The following UHRF2 variants were observed in gnomAD, a reference collection of about 807,000 sequenced individuals.
The protein encoded by UHRF2 is E3 ubiquitin-protein ligase UHRF2.
Under a neutral mutation model 96.8 loss-of-function variants are expected in UHRF2, and 23 were observed. The observed-to-expected ratio is 0.24, with a 90% confidence interval of 0.17 to 0.34. The LOEUF is 0.34. UHRF2 is among the 10% of genes least tolerant of loss of function. The pLI, the probability that UHRF2 is intolerant of heterozygous loss-of-function variation, is 1.00. For synonymous variants in UHRF2, 385 were observed against 332.6 expected (o/e 1.16, Z -1.72); for missense variants, 685 against 981.5 (o/e 0.70, Z 4.04).
chr9:6,420,720 A>G (rs913462113), intron 1 of UHRF2, among the ~76,000 whole-genome samples, 192 bp from the exon 2 acceptor site: 24 of 151,586 alleles, frequency 1.6e-4, no homozygotes, highest in Admixed American at 6.6e-4. Context: ...AAAAAAAAAA[A>G]AGAGAGAGAG....
At chr9:6,440,156 A>G (rs556266266) in intron 3 of UHRF2, among the ~76,000 whole-genome samples, 1 of 152,272 alleles carries the variant, frequency 6.6e-6, no homozygotes, top group South Asian at 2.1e-4. Context: ...CCCTGAAGCT[A>G]TTGTTGAAGA....
At chr9:6,433,721 C>T (rs1285199738) in intron 2 of UHRF2, among the ~76,000 whole-genome samples, 193 bp from the exon 3 acceptor site, 1 of 152,198 alleles carries the variant, frequency 6.6e-6, no homozygotes, top group Non-Finnish European at 1.5e-5. Flanking sequence ...AGTTAGTTTT[C>T]ATCTTAGTCA....
intron 3 of UHRF2, among the ~76,000 whole-genome samples, chr9:6,439,737 A>G (rs972920894): frequency 6.6e-6 from 1 of 152,192 alleles, no homozygotes; most frequent in Non-Finnish European, 1.5e-5. Context: ...AGGAATTCTT[A>G]AGTCATTTTT....
At chr9:6,439,528 A>G (rs926050904) in intron 3 of UHRF2, among the ~76,000 whole-genome samples, 5 of 152,234 alleles carry the variant, frequency 3.3e-5, no homozygotes, top group Non-Finnish European at 5.9e-5. Context: ...TCACACCTTT[A>G]TGCAGATAGT....
At chr9:6,444,808 G>C (rs1821391054) in intron 3 of UHRF2, among the ~76,000 whole-genome samples, 1 of 152,034 alleles carries the variant, frequency 6.6e-6, no homozygotes, top group Non-Finnish European at 1.5e-5. Flanking sequence ...TCACCATGTT[G>C]GCCAGGCTGG....
At chr9:6,417,466 CAG>C (rs1414518983) in intron 1 of UHRF2, among the ~76,000 whole-genome samples, 1 of 152,150 alleles carries the variant, frequency 6.6e-6, no homozygotes, top group African/African-American at 2.4e-5. Flanking sequence ...ATTTGAGTGT[CAG>C]AGATAACTTT....
chr9:6,450,326 A>G (rs1238822357), intron 3 of UHRF2, among the ~76,000 whole-genome samples: 16 of 128,358 alleles, frequency 1.2e-4, no homozygotes, highest in African/African-American at 4.1e-4. Flanking sequence ...ATTTATTTAA[A>G]TAAACTGTGT....
intron 2 of UHRF2, among the ~76,000 whole-genome samples, chr9:6,430,798 C>A (rs1264851395): frequency 6.6e-6 from 1 of 152,162 alleles, no homozygotes; most frequent in African/African-American, 2.4e-5. Context: ...TCCCCTGTTC[C>A]CTCTGCCTCC....
intron 8 of UHRF2, among the ~76,000 whole-genome samples, chr9:6,486,565 A>C (rs1824302459): frequency 6.6e-6 from 1 of 152,232 alleles, no homozygotes. Context: ...AATTCTACGC[A>C]ATCAGTTTTA....
intron 12 of UHRF2, 33 bp from the exon 13 acceptor site, chr9:6,499,802 T>G: frequency 6.7e-7 from 1 of 1,498,904 alleles, no homozygotes; most frequent in South Asian, 1.2e-5. Context: ...AGCTTAAATC[T>G]GCATTGTACT....
intron 3 of UHRF2, among the ~76,000 whole-genome samples, chr9:6,456,328 T>C (rs1822173188): frequency 6.6e-6 from 1 of 152,242 alleles, no homozygotes; most frequent in Non-Finnish European, 1.5e-5. Flanking sequence ...GCCGCATAAA[T>C]GTCTCCTTTT....
chr9:6,477,486 A>G, intron 5 of UHRF2, 136 bp from the exon 6 acceptor site: 5 of 740,534 alleles, frequency 6.8e-6, no homozygotes, highest in Non-Finnish European at 2.1e-6. Flanking sequence ...AGATCACGCC[A>G]TTGCACTCCA....
intron 3 of UHRF2, among the ~76,000 whole-genome samples, chr9:6,439,602 G>A (rs1004044668): frequency 1.3e-5 from 2 of 152,068 alleles, no homozygotes; most frequent in Non-Finnish European, 2.9e-5. Flanking sequence ...TTTTTTTTCT[G>A]GATTGCTGTT....
At chr9:6,444,656 C>A (rs550623449) in intron 3 of UHRF2, among the ~76,000 whole-genome samples, 1 of 152,220 alleles carries the variant, frequency 6.6e-6, no homozygotes, top group African/African-American at 2.4e-5. Context: ...GGCTGGAGTA[C>A]AATGGCATAA....
chr9:6,425,915 G>T (rs1259589429), intron 2 of UHRF2, among the ~76,000 whole-genome samples: 1 of 152,138 alleles, frequency 6.6e-6, no homozygotes, highest in African/African-American at 2.4e-5. Flanking sequence ...GAATATTTAT[G>T]TAACTATCTG....
intron 8 of UHRF2, among the ~76,000 whole-genome samples, chr9:6,485,358 C>G (rs547585264): frequency 2.0e-5 from 3 of 151,896 alleles, no homozygotes; most frequent in Non-Finnish European, 4.4e-5. Context: ...TATTTATTTT[C>G]TAAACTCTGA....
Position 6,445,006 on chromosome 9 carries a change from T to C in UHRF2, c.644+10833T>C, listed in dbSNP as rs778108985. ...TAGGCACTAGATTTAGAATTTGGGT[T>C]GAGGCCGGTCATGGTGGCTCACACC... On this transcript the variant is annotated intron_variant, in intron 3 of 15. Transcript: ENST00000276893. 4.3e-4 allele frequency among the ~76,000 whole-genome samples: 65 copies of C among 151,928 alleles called. 1 individual carries two copies. The highest frequency in any genetic ancestry group is 8.8e-4 in the Non-Finnish European group (60 of 67,978).
Position 6,493,816 on chromosome 9 carries a change from T to C in UHRF2, c.1498-10T>C. ...TTAGCTTTCTTAATAAAGAAAATCT[T>C]CTCTGACAGGACCGAGGTGATGAGT... On this transcript the variant is annotated splice_polypyrimidine_tract_variant and intron_variant, in intron 9 of 15. Coordinates refer to ENST00000276893, the MANE Select transcript of UHRF2 (RefSeq NM_152896.3). 6.2e-7 allele frequency: 1 copy of C among 1,604,990 alleles called. No homozygotes were observed. Among genetic ancestry groups the C allele is most frequent in the Non-Finnish European group, 8.5e-7 (1 of 1,176,846 alleles).
chr9:6,474,784 A>G (rs1369763208), intron 4 of UHRF2, among the ~76,000 whole-genome samples: 2 of 152,234 alleles, frequency 1.3e-5, no homozygotes, highest in African/African-American at 4.8e-5. Context: ...TTGAAGAAGT[A>G]TATACAAACA....
Sources: allele counts gnomAD v4.1 joint callset (sites outside exome capture counted in the v4.1 genomes callset), GRCh38; gene constraint gnomAD v4.1.1; transcripts MANE v1.5; gene names NCBI Gene and HGNC (gene_info 2026-07-23, HGNC 2026-07-21).